Variants in ARMCX4 observed in about 807,000 individuals in gnomAD.
The protein encoded by ARMCX4 is armadillo repeat-containing X-linked protein 4.
ARMCX4 carries 3 observed loss-of-function variants against 34.7 expected under a neutral mutation model. The ratio of observed to expected loss-of-function variants is 0.09; its 90% CI spans 0.04 to 0.22. ARMCX4 has a LOEUF of 0.22. Among genes scored for constraint, ARMCX4 ranks in the 10% least tolerant of loss-of-function variants. ARMCX4 has a pLI of 1.00. For synonymous variants in ARMCX4, 513 were observed against 632.8 expected, an observed-to-expected ratio of 0.81 and a Z score of 2.84; for missense variants, 1,448 against 1,720.8, an observed-to-expected ratio of 0.84 and a Z score of 2.81.
chrX:101,459,514 G>A (rs782723159), intron 4 of ARMCX4, among the ~76,000 whole-genome samples: 1 of 111,859 alleles, frequency 8.9e-6, no homozygotes, highest in African/African-American at 3.2e-5. Flanking sequence ...TTATATCAAA[G>A]TCTTCTCTTT....
chrX:101,428,333 T>G (rs1451643289), intron 2 of ARMCX4, among the ~76,000 whole-genome samples: 1 of 112,193 alleles, frequency 8.9e-6, no homozygotes, highest in Non-Finnish European at 1.9e-5. Context: ...AAATGCAAAT[T>G]AATATACATT....
chrX:101,496,136 T>A (rs1183447923), downstream of ARMCX4, among the ~76,000 whole-genome samples: 1 of 109,471 alleles, frequency 9.1e-6, no homozygotes, highest in Non-Finnish European at 1.9e-5. Flanking sequence ...GGGAGGGTAG[T>A]GACGAGAGAG....
intron 2 of ARMCX4, among the ~76,000 whole-genome samples, chrX:101,423,063 C>G (rs1270469021): frequency 9.2e-6 from 1 of 108,976 alleles, no homozygotes; most frequent in Non-Finnish European, 1.9e-5. Flanking sequence ...GCGCCCACCA[C>G]CATGCCCAGC....
At chrX:101,525,144 G>C (rs1262663908) in intron 11 of ARMCX4, among the ~76,000 whole-genome samples, 5 of 111,824 alleles carry the variant, frequency 4.5e-5, no homozygotes, top group Non-Finnish European at 7.5e-5. Context: ...AATATTTGCT[G>C]TTCTGCCACC....
chrX:101,514,105 G>A (rs985589239), intron 11 of ARMCX4, among the ~76,000 whole-genome samples: 2 of 111,225 alleles, frequency 1.8e-5, no homozygotes, highest in African/African-American at 6.5e-5. Flanking sequence ...AGCCCAAAGT[G>A]GCCTGGTGGC....
intron 11 of ARMCX4, among the ~76,000 whole-genome samples, chrX:101,527,468 A>G (rs1556020924): frequency 9.0e-6 from 1 of 111,696 alleles, no homozygotes. Flanking sequence ...GAAGGCAAGA[A>G]ATAACTAAAA....
intron 11 of ARMCX4, among the ~76,000 whole-genome samples, chrX:101,520,903 TA>T (rs200301563): frequency 0.021 from 1,873 of 90,228 alleles, 61 homozygotes; most frequent in African/African-American, 0.072. Flanking sequence ...GGTTTTTTTT[TA>T]AAAAAATTAT....
At chrX:101,433,655 G>C (rs1555993328) in intron 2 of ARMCX4, among the ~76,000 whole-genome samples, 2 of 111,704 alleles carry the variant, frequency 1.8e-5, no homozygotes, top group African/African-American at 6.5e-5. Context: ...TTGGCACATA[G>C]AATGTGCTCC....
At chrX:101,534,134 A>G (rs1417489823), downstream of ARMCX4, among the ~76,000 whole-genome samples, 2 of 112,289 alleles carry the variant, frequency 1.8e-5, no homozygotes, top group African/African-American at 6.5e-5. Flanking sequence ...TCTGTAAGAC[A>G]TATCCATTCA....
upstream of ARMCX4, among the ~76,000 whole-genome samples, chrX:101,481,513 C>T (rs1171469939): frequency 1.8e-5 from 2 of 111,669 alleles, no homozygotes; most frequent in Non-Finnish European, 3.8e-5. Flanking sequence ...TTTATTTGAA[C>T]ATGACCCCAT....
At chrX:101,448,313 G>T (rs974467925), downstream of ARMCX4, among the ~76,000 whole-genome samples, 3 of 112,149 alleles carry the variant, frequency 2.7e-5, no homozygotes, top group Non-Finnish European at 5.6e-5. Flanking sequence ...TGGGAGTACA[G>T]ATATATGTTC....
chrX:101,493,053 G>A lies in ARMCX4; in HGVS notation c.4464G>A (p.Leu1488=), dbSNP rs1556010164. 21 of 1,155,104 alleles carry A rather than the reference G, an allele frequency of 1.8e-5. No individual in the cohort carries two copies. The highest frequency in any genetic ancestry group is 2.3e-5 in the Non-Finnish European group (20 of 872,231). The change falls in exon 6 of 6, where the codon CTG becomes CTA. Residue 1488 remains leucine, a synonymous_variant. Coordinates refer to ENST00000423738, the MANE Select transcript of ARMCX4 (RefSeq NM_001256155.3). Reference sequence around the variant, plus strand: ...AGCAGGTTGTTGGAGATTCTAGGCTGGGGCTTAGGGACCAGTCTAGTGGAG... The same window carrying A: ...AGCAGGTTGTTGGAGATTCTAGGCTAGGGCTTAGGGACCAGTCTAGTGGAG... ...AREQVVGDSR[L]GLRDQSSGDS...
chrX:101,510,640 A>T (rs1934561219), intron 10 of ARMCX4, among the ~76,000 whole-genome samples: 1 of 112,127 alleles, frequency 8.9e-6, no homozygotes, highest in African/African-American at 3.2e-5. Flanking sequence ...TAGGGATAGG[A>T]TGCAGCTATC....
At chrX:101,431,926 T>C (rs1370716308) in intron 2 of ARMCX4, among the ~76,000 whole-genome samples, 1 of 112,282 alleles carries the variant, frequency 8.9e-6, no homozygotes, top group Non-Finnish European at 1.9e-5. Flanking sequence ...GATCATGTAG[T>C]AACAGTGTTT....
intron 11 of ARMCX4, among the ~76,000 whole-genome samples, chrX:101,518,772 G>T (rs782015615): frequency 9.0e-6 from 1 of 111,118 alleles, no homozygotes; most frequent in South Asian, 3.7e-4. Flanking sequence ...GAATTGCTAA[G>T]ATTAATATCA....
chrX:101,435,080 T>C (rs1930621385), intron 2 of ARMCX4, among the ~76,000 whole-genome samples: 1 of 111,615 alleles, frequency 9.0e-6, no homozygotes, highest in South Asian at 3.7e-4. Flanking sequence ...CTATTGTGAA[T>C]AGTGCCACAG....
At chrX:101,418,536 A>G (rs1929031867) in intron 1 of ARMCX4, among the ~76,000 whole-genome samples, 1 of 112,303 alleles carries the variant, frequency 8.9e-6, no homozygotes, top group African/African-American at 3.2e-5. Context: ...GGAGGGCGGC[A>G]GGTGGGACCG....
chrX:101,503,612 C>T lies in ARMCX4; in HGVS notation c.*1178-1325C>T, dbSNP rs188352349. Among the ~76,000 whole-genome samples, 71 of 111,882 alleles carry T rather than the reference C, an allele frequency of 6.3e-4. 1 individual carries two copies. The highest frequency in any genetic ancestry group is 4.6e-3 in the Middle Eastern group (1 of 218). On this transcript the variant is annotated intron_variant and NMD_transcript_variant, in intron 7 of 12. Transcript: ENST00000354842. ...TTGAGAAGTGTCTGTTCATATCCTT[C>T]GCCCACTTTTTGATGGGGCTGTTTG...
In ARMCX4 at chrX:101,489,524, C is replaced by T; in HGVS notation, c.935C>T (p.Ser312Phe). The T allele has an allele frequency of 1.7e-6, 2 of 1,155,581 alleles. No homozygotes were observed. Among genetic ancestry groups the T allele is most frequent in the Non-Finnish European group, 2.3e-6 (2 of 872,898 alleles). ...TGTAAAACCATGTCTAGGGCAGAGTCTGGGGCAGACACGAGGGCTTCTGCT... is the reference window on the plus strand; with the variant it reads ...TGTAAAACCATGTCTAGGGCAGAGTTTGGGGCAGACACGAGGGCTTCTGCT... ...GNCKTMSRAE[S>F]GADTRASAQP... Residue 312 changes from serine (S) to phenylalanine (F), a missense_variant, in exon 6 of 6, where the codon TCT becomes TTT. Physicochemically the swap from Ser to Phe is radical, Grantham distance 155. Transcript: ENST00000423738.
Sources: gnomAD v4.1 joint callset for allele counts (sites outside exome capture counted in the v4.1 genomes callset) on GRCh38, gnomAD v4.1.1 for gene constraint, MANE v1.5 for transcripts, NCBI Gene and HGNC (gene_info 2026-07-23, HGNC 2026-07-21) for gene names.